Variants in EBF1 observed in about 807,000 individuals in gnomAD.
The protein encoded by EBF1 is transcription factor COE1.
A neutral mutation model predicts 68.4 loss-of-function variants in EBF1; 10 were observed. The ratio of observed to expected loss-of-function variants is 0.15; its 90% CI spans 0.09 to 0.25. The LOEUF is 0.25. Ranked by LOEUF, EBF1 falls within the 10% of genes least tolerant of loss-of-function variation. The pLI is 1.00. For missense variants in EBF1, 509 were observed against 794.4 expected (o/e 0.64, Z 4.32); for synonymous variants, 298 against 299.8 (o/e 0.99, Z 0.06).
At chr5:158,904,023 A>T (rs1216338498) in intron 6 of EBF1, among the ~76,000 whole-genome samples, 1 of 152,112 alleles carries the variant, frequency 6.6e-6, no homozygotes, top group African/African-American at 2.4e-5. Context: ...GGCTCAGGGT[A>T]AAAGACAAGA....
chr5:158,909,441 A>G (rs1805413566), intron 6 of EBF1, among the ~76,000 whole-genome samples: 1 of 152,224 alleles, frequency 6.6e-6, no homozygotes, highest in African/African-American at 2.4e-5. Context: ...CCCTGGTCGC[A>G]TATTAAAGAG....
At chr5:158,742,233 A>G (rs1249247620) in intron 10 of EBF1, among the ~76,000 whole-genome samples, 1 of 152,184 alleles carries the variant, frequency 6.6e-6, no homozygotes, top group Non-Finnish European at 1.5e-5. Flanking sequence ...CTCAATTTAT[A>G]TTCCATGAAA....
chr5:158,863,716 A>T (rs146364740), intron 6 of EBF1, among the ~76,000 whole-genome samples: 39 of 152,322 alleles, frequency 2.6e-4, no homozygotes, highest in African/African-American at 9.1e-4. Flanking sequence ...ATACTGTGTG[A>T]CCATAATCTT....
intron 6 of EBF1, among the ~76,000 whole-genome samples, chr5:158,963,867 T>G (rs1753567729): frequency 6.6e-6 from 1 of 152,168 alleles, no homozygotes; most frequent in Non-Finnish European, 1.5e-5. Flanking sequence ...ATTCTTGGAA[T>G]CAGACATAGT....
In EBF1 at chr5:158,840,657, TTTTTTTTTTTTTTTTG is replaced by T. The variant is rs1790085216; in HGVS notation, c.555-563_555-548del. Among the ~76,000 whole-genome samples, 58 of 96,052 alleles carry T rather than the reference TTTTTTTTTTTTTTTTG, an allele frequency of 6.0e-4. 1 individual carries two copies. The highest frequency in any genetic ancestry group is 2.3e-3 in the African/African-American group (53 of 22,736). 63.0% of individuals were successfully genotyped at this position (96,052 alleles called of 152,430 possible). On this transcript the variant is annotated intron_variant, in intron 6 of 15. Coordinates refer to ENST00000313708, the MANE Select transcript of EBF1 (RefSeq NM_024007.5). ...TCAAATACCTCCTGTTTTTTTTTTT[TTTTTTTTTTTTTTTTG>T]TTTTTTTTTTTTTTTTGAGACGGAG...
At chr5:158,778,267 T>C (rs1775713501) in intron 9 of EBF1, among the ~76,000 whole-genome samples, 1 of 152,176 alleles carries the variant, frequency 6.6e-6, no homozygotes. Flanking sequence ...TTTGTATTAC[T>C]CTTATCTTTG....
chr5:158,708,312 C>T (rs565213073), intron 14 of EBF1, 139 bp from the exon 15 acceptor site: 32 of 808,698 alleles, frequency 4.0e-5, no homozygotes, highest in East Asian at 5.4e-5. Flanking sequence ...TCCCTGAATT[C>T]GCAGGCTCTC....
chr5:159,054,543 G>A (rs1774402530), intron 6 of EBF1, among the ~76,000 whole-genome samples: 2 of 152,062 alleles, frequency 1.3e-5, no homozygotes, highest in African/African-American at 2.4e-5. Flanking sequence ...CAAGCTTAAG[G>A]AATATATACT....
At chr5:158,933,337 T>C (rs777261224) in intron 6 of EBF1, among the ~76,000 whole-genome samples, 1 of 152,136 alleles carries the variant, frequency 6.6e-6, no homozygotes, top group Non-Finnish European at 1.5e-5. Context: ...GATAACATAA[T>C]TACAACTAAA....
intron 6 of EBF1, among the ~76,000 whole-genome samples, chr5:159,043,760 C>G: frequency 6.6e-6 from 1 of 152,152 alleles, no homozygotes; most frequent in East Asian, 1.9e-4. Context: ...AAATGTCTCT[C>G]GGCACTTCAT....
In EBF1 at chr5:158,808,297, C is replaced by T. The variant is rs370214882; in HGVS notation, c.779-11822G>A. ...GTCTGGACATCAAAGAGCAAATACT[C>T]GCACTTGCCTGTTTGTGATTCATTT... On this transcript the variant is annotated intron_variant, in intron 8 of 15. Coordinates refer to ENST00000313708, the MANE Select transcript of EBF1 (RefSeq NM_024007.5). Among the ~76,000 whole-genome samples the T allele has an allele frequency of 1.1e-4, 16 of 152,282 alleles. No individual in the cohort carries two copies. The East Asian group carries it at 1.5e-3, about 15-fold the overall frequency.
chr5:158,768,988 C>T (rs1339813555), intron 10 of EBF1, among the ~76,000 whole-genome samples: 1 of 152,146 alleles, frequency 6.6e-6, no homozygotes, highest in Non-Finnish European at 1.5e-5. Flanking sequence ...GGCAAGAATA[C>T]ATATACAGCT....
At chr5:158,923,283 T>C (rs1173338284) in intron 6 of EBF1, among the ~76,000 whole-genome samples, 3 of 152,214 alleles carry the variant, frequency 2.0e-5, no homozygotes, top group African/African-American at 4.8e-5. Context: ...TTTCAAAGTA[T>C]ATCCCCAACC....
At chr5:158,745,386 G>GAAC (rs1767334555) in intron 10 of EBF1, among the ~76,000 whole-genome samples, 1 of 152,118 alleles carries the variant, frequency 6.6e-6, no homozygotes, top group Admixed American at 6.5e-5. Context: ...AAACCAAAGG[G>GAAC]AACACCAAGC....
At chr5:158,937,603 G>A (rs145263340) in intron 6 of EBF1, among the ~76,000 whole-genome samples, 14 of 152,308 alleles carry the variant, frequency 9.2e-5, no homozygotes, top group African/African-American at 3.4e-4. Flanking sequence ...TTACAGAAAG[G>A]AAAACTTGGG....
At chr5:158,969,736 CT>C (rs1388205890) in intron 6 of EBF1, among the ~76,000 whole-genome samples, 1 of 150,594 alleles carries the variant, frequency 6.6e-6, no homozygotes, top group Non-Finnish European at 1.5e-5. Flanking sequence ...AATCGTGCCA[CT>C]GCATTCGAGC....
intron 6 of EBF1, among the ~76,000 whole-genome samples, chr5:158,883,573 AG>A (rs1308009001): frequency 2.0e-5 from 3 of 152,106 alleles, no homozygotes; most frequent in Non-Finnish European, 4.4e-5. Flanking sequence ...CAGAGATGGT[AG>A]CCTTGAATCA....
chr5:158,763,840 T>A (rs1192168921), intron 10 of EBF1, among the ~76,000 whole-genome samples: 1 of 152,172 alleles, frequency 6.6e-6, no homozygotes, highest in African/African-American at 2.4e-5. Flanking sequence ...AGCAAATACA[T>A]CCTGTGTTGG....
intron 6 of EBF1, among the ~76,000 whole-genome samples, chr5:159,050,305 CCTGT>C (rs1422410563): frequency 6.6e-6 from 1 of 151,340 alleles, no homozygotes; most frequent in African/African-American, 2.4e-5. Flanking sequence ...ACTCTGTATC[CCTGT>C]CTGTCTCTTC....
Sources: allele counts gnomAD v4.1 joint callset (sites outside exome capture counted in the v4.1 genomes callset), GRCh38; gene constraint gnomAD v4.1.1; transcripts MANE v1.5; gene names NCBI Gene and HGNC (gene_info 2026-07-23, HGNC 2026-07-21).